Variants in AUTS2 observed in about 807,000 individuals in gnomAD.
The protein encoded by AUTS2 is autism susceptibility gene 2 protein.
AUTS2 carries 17 observed loss-of-function variants against 112.4 expected under a neutral mutation model. That is an observed-to-expected ratio of 0.15 (90% CI 0.10 to 0.23). AUTS2 has a LOEUF of 0.23. Ranked by LOEUF, AUTS2 falls within the 10% of genes least tolerant of loss-of-function variation. AUTS2 has a pLI of 1.00. For synonymous variants in AUTS2, 751 were observed against 702.7 expected, an observed-to-expected ratio of 1.07 and a Z score of -1.09; for missense variants, 1,510 against 1,701.6, an observed-to-expected ratio of 0.89 and a Z score of 1.98.
chr7:70,290,064 G>C (rs1048104341), intron 4 of AUTS2, among the ~76,000 whole-genome samples: 1 of 152,154 alleles, frequency 6.6e-6, no homozygotes, highest in African/African-American at 2.4e-5. Context: ...ATTTCAGGGA[G>C]TATAGAAACC....
rs921259990 is a variant in AUTS2 at position 69,777,802 on chromosome 7, G to C, written c.310-121484G>C. ...CTCTATGAAATGAAAAGCATCTTTG[G>C]ATGGTATGGGGAGAGCTGAACAATG... On this transcript the variant is annotated intron_variant, in intron 1 of 18. Transcript: ENST00000342771. Among the ~76,000 whole-genome samples, 3 of 152,112 alleles carry C rather than the reference G, an allele frequency of 2.0e-5. 1 individual carries two copies. Among genetic ancestry groups the C allele is most frequent in the Non-Finnish European group, 2.9e-5 (2 of 68,026 alleles).
At chr7:70,507,312 G>T (rs1187604413) in intron 5 of AUTS2, among the ~76,000 whole-genome samples, 1 of 152,128 alleles carries the variant, frequency 6.6e-6, no homozygotes, top group Non-Finnish European at 1.5e-5. Flanking sequence ...GCTGAGGCGG[G>T]AGGATCGCTT....
chr7:69,710,768 T>A (rs1798285240), intron 1 of AUTS2, among the ~76,000 whole-genome samples: 1 of 152,242 alleles, frequency 6.6e-6, no homozygotes, highest in South Asian at 2.1e-4. Context: ...GCTGTTTAAA[T>A]TTCTGTCTGG....
Position 70,595,891 on chromosome 7 carries a change from C to T in AUTS2, c.691-102678C>T, listed in dbSNP as rs112572880. Among the ~76,000 whole-genome samples the T allele has an allele frequency of 8.1e-3, 1,227 of 152,126 alleles. 17 individuals carry two copies. Among genetic ancestry groups the T allele is most frequent in the African/African-American group, 0.028 (1,157 of 41,518 alleles). On this transcript the variant is annotated intron_variant, in intron 5 of 18. Transcript: ENST00000342771. ...CTTTCACACGGTACTGAGCCGCGGGCTGCTTCGGGGCGGCCCTCCCCGCCC... is the reference window on the plus strand; with the variant it reads ...CTTTCACACGGTACTGAGCCGCGGGTTGCTTCGGGGCGGCCCTCCCCGCCC...
chr7:70,175,476 T>G (rs1451129013), intron 4 of AUTS2, among the ~76,000 whole-genome samples: 1 of 152,144 alleles, frequency 6.6e-6, no homozygotes, highest in East Asian at 1.9e-4. Flanking sequence ...TTTAAAGAAG[T>G]TCTATGTGGG....
intron 5 of AUTS2, among the ~76,000 whole-genome samples, chr7:70,569,217 G>A (rs1309068962): frequency 6.6e-6 from 1 of 152,176 alleles, no homozygotes; most frequent in African/African-American, 2.4e-5. Flanking sequence ...GAAACAGGCA[G>A]CCAGCACGTT....
intron 2 of AUTS2, among the ~76,000 whole-genome samples, chr7:70,098,286 C>T (rs1337031628): frequency 6.6e-6 from 1 of 152,156 alleles, no homozygotes; most frequent in East Asian, 1.9e-4. Context: ...TTACGGCCTT[C>T]CCCAAGTGGC....
intron 4 of AUTS2, among the ~76,000 whole-genome samples, chr7:70,182,044 C>T (rs573184236): frequency 2.0e-5 from 3 of 151,668 alleles, no homozygotes; most frequent in South Asian, 4.2e-4. Context: ...CCTCATGATC[C>T]GCCCATCTCG....
intron 6 of AUTS2, among the ~76,000 whole-genome samples, chr7:70,735,374 G>C (rs992636994): frequency 3.3e-5 from 5 of 152,294 alleles, no homozygotes; most frequent in Non-Finnish European, 7.4e-5. Flanking sequence ...CCTTTTTGAA[G>C]TTACAACAGT....
At chr7:69,951,352 G>GA (rs549605461) in intron 2 of AUTS2, among the ~76,000 whole-genome samples, 161 of 151,954 alleles carry the variant, frequency 1.1e-3, no homozygotes, top group African/African-American at 3.8e-3. Flanking sequence ...AGAACAGGAA[G>GA]AATTCTAGTT....
chr7:69,666,739 C>CA (rs771331285), intron 1 of AUTS2, among the ~76,000 whole-genome samples: 32 of 151,876 alleles, frequency 2.1e-4, no homozygotes, highest in Non-Finnish European at 3.4e-4. Context: ...CCCATCTTGA[C>CA]AAAAAATAAA....
At chr7:70,529,307 A>T (rs1799983377) in intron 5 of AUTS2, among the ~76,000 whole-genome samples, 1 of 152,248 alleles carries the variant, frequency 6.6e-6, no homozygotes, top group Admixed American at 6.5e-5. Context: ...TTCATAGCCT[A>T]CAAAGCCCCT....
At chr7:70,453,781 G>A (rs73175957) in intron 5 of AUTS2, among the ~76,000 whole-genome samples, 19,564 of 152,170 alleles carry the variant, frequency 0.13, 1,304 homozygotes, top group Middle Eastern at 0.17. Flanking sequence ...AAGGACACTC[G>A]TGGTGGCATT....
chr7:70,190,686 C>T (rs997362061), intron 4 of AUTS2, among the ~76,000 whole-genome samples: 4 of 152,114 alleles, frequency 2.6e-5, no homozygotes, highest in Admixed American at 6.5e-5. Context: ...TTGCCAATTG[C>T]ATTACTCTTC....
intron 4 of AUTS2, among the ~76,000 whole-genome samples, chr7:70,144,313 C>T (rs1440091603): frequency 6.6e-6 from 1 of 152,056 alleles, no homozygotes; most frequent in Non-Finnish European, 1.5e-5. Flanking sequence ...AAATTTAGTT[C>T]TCTTAGAATT....
intron 2 of AUTS2, among the ~76,000 whole-genome samples, chr7:69,904,699 G>A (rs1362270952): frequency 6.6e-6 from 1 of 152,102 alleles, no homozygotes; most frequent in African/African-American, 2.4e-5. Flanking sequence ...ATTTGCTTTC[G>A]AAAAATTTTG....
intron 10 of AUTS2, among the ~76,000 whole-genome samples, chr7:70,768,485 C>T (rs1310356922): frequency 1.3e-5 from 2 of 152,160 alleles, no homozygotes; most frequent in Non-Finnish European, 2.9e-5. Context: ...CTTTTTGACT[C>T]ATGACTCTTC....
At chr7:70,346,639 C>G (rs1203689984) in intron 4 of AUTS2, among the ~76,000 whole-genome samples, 1 of 152,162 alleles carries the variant, frequency 6.6e-6, no homozygotes, top group Non-Finnish European at 1.5e-5. Context: ...TATTTTAGTA[C>G]CATAGACACA....
chr7:70,714,246 A>G (rs550450277), intron 6 of AUTS2, among the ~76,000 whole-genome samples: 4 of 152,310 alleles, frequency 2.6e-5, no homozygotes, highest in South Asian at 2.1e-4. Flanking sequence ...ATGAACCCCC[A>G]TATATACCCA....
Sources: allele counts gnomAD v4.1 joint callset (sites outside exome capture counted in the v4.1 genomes callset), GRCh38; gene constraint gnomAD v4.1.1; transcripts MANE v1.5; gene names NCBI Gene and HGNC (gene_info 2026-07-23, HGNC 2026-07-21).